RFX4: variants seen among roughly 807,000 people sequenced by gnomAD.
The protein encoded by RFX4 is regulatory factor X4, also known as transcription factor RFX4.
In RFX4, 10 loss-of-function variants were observed where a neutral mutation model predicts 95.0. That is an observed-to-expected ratio of 0.11 (90% CI 0.06 to 0.18). The LOEUF (loss-of-function observed/expected upper bound fraction) is 0.18, where lower values mean the gene tolerates loss of function less well. RFX4 is among the 10% of genes least tolerant of loss of function. The pLI is 1.00. For missense variants in RFX4, 640 were observed against 922.0 expected, an observed-to-expected ratio of 0.69 and a Z score of 3.96; for synonymous variants, 321 against 340.7, an observed-to-expected ratio of 0.94 and a Z score of 0.64.
intron 9 of RFX4, among the ~76,000 whole-genome samples, chr12:106,710,407 A>G (rs894825994): frequency 5.3e-5 from 8 of 152,194 alleles, no homozygotes; most frequent in Admixed American, 5.2e-4. Flanking sequence ...AAGTTAAAGA[A>G]AAAGTAATTA....
intron 15 of RFX4, among the ~76,000 whole-genome samples, chr12:106,739,330 G>A (rs953577310): frequency 6.6e-6 from 1 of 152,076 alleles, no homozygotes; most frequent in Non-Finnish European, 1.5e-5. Flanking sequence ...TCAAGTACCT[G>A]GGACTCTTTA....
intron 1 of RFX4, chr12:106,601,052 T>C: frequency 8.9e-7 from 1 of 1,128,446 alleles, no homozygotes; most frequent in Non-Finnish European, 1.2e-6. Context: ...AAATCAATAT[T>C]TGGTAAATGA....
At chr12:106,741,011 G>A (rs1438811146) in intron 15 of RFX4, among the ~76,000 whole-genome samples, 1 of 152,182 alleles carries the variant, frequency 6.6e-6, no homozygotes, top group African/African-American at 2.4e-5. Flanking sequence ...TGGCAGGAGA[G>A]GAAGTTGCAG....
chr12:106,754,096 A>C (rs1360473093), intron 17 of RFX4, among the ~76,000 whole-genome samples: 1 of 152,198 alleles, frequency 6.6e-6, no homozygotes, highest in Non-Finnish European at 1.5e-5. Context: ...ACACATGGGC[A>C]TTCTGGGCAA....
At chr12:106,607,860 G>A (rs2039870384) in intron 1 of RFX4, among the ~76,000 whole-genome samples, 1 of 151,850 alleles carries the variant, frequency 6.6e-6, no homozygotes, top group Non-Finnish European at 1.5e-5. Flanking sequence ...CTTTGAAATT[G>A]GATTAAAAAA....
At chr12:106,708,123 G>A (rs1481439418) in intron 8 of RFX4, among the ~76,000 whole-genome samples, 1 of 152,208 alleles carries the variant, frequency 6.6e-6, no homozygotes, top group Non-Finnish European at 1.5e-5. Context: ...AACAGAGCAA[G>A]ACTGTCTCCT....
At chr12:106,711,792 G>C (rs1442161351) in intron 10 of RFX4, among the ~76,000 whole-genome samples, 2 of 152,126 alleles carry the variant, frequency 1.3e-5, no homozygotes, top group East Asian at 3.8e-4. Flanking sequence ...TGTATGTAGT[G>C]GTTGAATCAA....
At chr12:106,698,530 T>C (rs2041927056) in intron 8 of RFX4, among the ~76,000 whole-genome samples, 1 of 152,196 alleles carries the variant, frequency 6.6e-6, no homozygotes, top group South Asian at 2.1e-4. Flanking sequence ...TGTTGCTAGA[T>C]CTGAATTGTT....
In RFX4 at chr12:106,762,041, ACT is replaced by A. The variant is rs1390889826; in HGVS notation, c.*575_*576del. On this transcript the variant is annotated 3_prime_UTR_variant, in exon 18 of 18. Coordinates refer to ENST00000392842, the MANE Select transcript of RFX4 (RefSeq NM_213594.3). ...GGGCTAAATGGGGAGCTATCTGGAA[ACT>A]CTAGATTTTCTGTCATACCCACATC... 1.3e-5 allele frequency: 2 copies of A among 152,416 alleles called. No individual in the cohort carries two copies. Among genetic ancestry groups the A allele is most frequent in the African/African-American group, 4.8e-5 (2 of 41,330 alleles). 9.4% of individuals were successfully genotyped at this position (152,416 alleles called of 1,614,324 possible). A position where few individuals can be genotyped will look rare whatever the true frequency, so the allele number is the denominator to read the frequency against.
chr12:106,583,260 C>A lies in RFX4; in HGVS notation c.-61C>A. The stretch of plus-strand genomic sequence containing the variant: ...TCCCTTCCTCCCTGGGCATCTCTAG[C>A]ACAGGGGATCCCCAAACATCAGGAC... On this transcript the variant is annotated 5_prime_UTR_variant, in exon 1 of 18. Coordinates refer to ENST00000392842, the MANE Select transcript of RFX4 (RefSeq NM_213594.3). 6.8e-7 allele frequency: 1 copy of A among 1,463,422 alleles called. No individual in the cohort carries two copies. The allele number at this position is 1,463,422 out of a possible 1,614,324, so 90.7% of individuals were successfully genotyped here. A position where few individuals can be genotyped will look rare whatever the true frequency, so the allele number is the denominator to read the frequency against.
chr12:106,663,282 A>G (rs560640060), intron 4 of RFX4, among the ~76,000 whole-genome samples: 2 of 152,136 alleles, frequency 1.3e-5, no homozygotes, highest in African/African-American at 4.8e-5. Context: ...ATAGCTTGTT[A>G]GATTTCTACA....
At chr12:106,754,592 T>C (rs2043075399) in intron 17 of RFX4, among the ~76,000 whole-genome samples, 1 of 152,228 alleles carries the variant, frequency 6.6e-6, no homozygotes, top group African/African-American at 2.4e-5. Flanking sequence ...GGGTGATATT[T>C]TTAAAGCCAT....
At chr12:106,703,016 C>A (rs924785395) in intron 8 of RFX4, among the ~76,000 whole-genome samples, 1 of 152,160 alleles carries the variant, frequency 6.6e-6, no homozygotes, top group Non-Finnish European at 1.5e-5. Context: ...TCTGTCATTC[C>A]AAGAGTTCTA....
intron 3 of RFX4, among the ~76,000 whole-genome samples, chr12:106,649,421 T>C (rs2040818180): frequency 6.6e-6 from 1 of 152,214 alleles, no homozygotes; most frequent in African/African-American, 2.4e-5. Flanking sequence ...ATAAGCCACC[T>C]AGTTACTTTG....
chr12:106,718,167 C>T (rs2042328513), intron 11 of RFX4, among the ~76,000 whole-genome samples: 1 of 152,202 alleles, frequency 6.6e-6, no homozygotes, highest in Non-Finnish European at 1.5e-5. Flanking sequence ...GCCCAACAGA[C>T]CTTGGTTCAA....
intron 2 of RFX4, among the ~76,000 whole-genome samples, chr12:106,619,149 T>C (rs1163601487): frequency 6.6e-6 from 1 of 150,772 alleles, no homozygotes; most frequent in Non-Finnish European, 1.5e-5. Flanking sequence ...TAATATTTAT[T>C]TTTATTTATT....
chr12:106,713,304 A>C (rs969935301), intron 10 of RFX4, among the ~76,000 whole-genome samples: 3 of 152,210 alleles, frequency 2.0e-5, no homozygotes, highest in Non-Finnish European at 2.9e-5. Flanking sequence ...TGGCATTCCT[A>C]TCTCAGCCAT....
chr12:106,596,181 G>A (rs1289928937), intron 1 of RFX4, among the ~76,000 whole-genome samples: 4 of 152,184 alleles, frequency 2.6e-5, no homozygotes, highest in South Asian at 4.1e-4. Context: ...GTTGTGGGAG[G>A]CACCTGGTGG....
chr12:106,641,150 G>C (rs913401210), intron 3 of RFX4, among the ~76,000 whole-genome samples: 31 of 152,154 alleles, frequency 2.0e-4, no homozygotes, highest in Non-Finnish European at 4.4e-5. Context: ...AAAGGAACTA[G>C]AAGAAAATCA....
Sources: gnomAD v4.1 joint callset for allele counts (sites outside exome capture counted in the v4.1 genomes callset) on GRCh38, gnomAD v4.1.1 for gene constraint, MANE v1.5 for transcripts, NCBI Gene and HGNC (gene_info 2026-07-23, HGNC 2026-07-21) for gene names.